AKAP19: variants seen among roughly 807,000 people sequenced by gnomAD.
AKAP19 encodes the protein A-kinase anchoring protein 19.
chr2:189,985,653 A>G, the AKAP19 span, among the ~76,000 whole-genome samples: 1 of 152,172 alleles, frequency 6.6e-6, no homozygotes. Context: ...ATGAGCTTGG[A>G]AGCAGATTCT....
At chr2:189,974,177 G>T in the AKAP19 span, among the ~76,000 whole-genome samples, 1 of 151,962 alleles carries the variant, frequency 6.6e-6, no homozygotes, top group African/African-American at 2.4e-5. Flanking sequence ...CTGGTATGTT[G>T]TGTCTTTGTT....
chr2:189,924,130 C>G, the AKAP19 span: 1 of 1,611,838 alleles, frequency 6.2e-7, no homozygotes, highest in Non-Finnish European at 8.5e-7. Context: ...GGGGGATGAC[C>G]AGCTGGAGTT....
the AKAP19 span, among the ~76,000 whole-genome samples, chr2:190,082,798 TC>T: frequency 6.6e-6 from 1 of 152,224 alleles, no homozygotes; most frequent in Non-Finnish European, 1.5e-5. Context: ...GCCAGGTATA[TC>T]CAATTCTAAA....
chr2:189,889,284 C>T, the AKAP19 span, among the ~76,000 whole-genome samples: 60 of 152,228 alleles, frequency 3.9e-4, no homozygotes, highest in Non-Finnish European at 7.6e-4. Flanking sequence ...GTGATGAAGC[C>T]GACTTGATCG....
At chr2:189,899,108 T>G in the AKAP19 span, among the ~76,000 whole-genome samples, 1 of 152,178 alleles carries the variant, frequency 6.6e-6, no homozygotes, top group African/African-American at 2.4e-5. Flanking sequence ...TAATCCCTCC[T>G]CTACACCATG....
chr2:190,011,892 C>G, the AKAP19 span, among the ~76,000 whole-genome samples: 5 of 151,914 alleles, frequency 3.3e-5, no homozygotes, highest in African/African-American at 1.2e-4. Context: ...TCTTTTTGCT[C>G]AAGATTGCCT....
At chr2:190,131,090 G>C in the AKAP19 span, among the ~76,000 whole-genome samples, 2 of 152,162 alleles carry the variant, frequency 1.3e-5, no homozygotes, top group African/African-American at 4.8e-5. Flanking sequence ...CTGAGTGATA[G>C]GGATGCTAGA....
At chr2:190,118,096 C>T in the AKAP19 span, among the ~76,000 whole-genome samples, 1 of 152,182 alleles carries the variant, frequency 6.6e-6, no homozygotes, top group Non-Finnish European at 1.5e-5. Flanking sequence ...CACCTCTACG[C>T]AAATAAACTA....
chr2:190,148,928 A>G, the AKAP19 span, among the ~76,000 whole-genome samples: 137,515 of 148,770 alleles, frequency 0.92, 64,014 homozygotes, highest in East Asian at 1. Context: ...CTAATGGTCT[A>G]TCAATTTTAT....
chr2:190,175,006 G>GAGTACATAGAGTACATA, the AKAP19 span, among the ~76,000 whole-genome samples: 99 of 151,914 alleles, frequency 6.5e-4, no homozygotes, highest in East Asian at 9.7e-4. Flanking sequence ...TAGATTACAT[G>GAGTACATAGAGTACATA]GAGTACATAG....
the AKAP19 span, among the ~76,000 whole-genome samples, chr2:189,925,860 A>G: frequency 6.6e-6 from 1 of 152,216 alleles, no homozygotes; most frequent in Non-Finnish European, 1.5e-5. Context: ...GCCAGAAGAA[A>G]AGACCATTTC....
the AKAP19 span, among the ~76,000 whole-genome samples, chr2:189,967,535 G>A: frequency 6.6e-6 from 1 of 152,112 alleles, no homozygotes; most frequent in Non-Finnish European, 1.5e-5. Context: ...TCAAAAACAA[G>A]GGTGAAATAA....
the AKAP19 span, among the ~76,000 whole-genome samples, chr2:190,166,524 A>G: frequency 2.6e-5 from 4 of 152,052 alleles, 1 homozygote; most frequent in East Asian, 7.7e-4. Flanking sequence ...ATACAAAAAT[A>G]AGAAAATACA....
the AKAP19 span, among the ~76,000 whole-genome samples, chr2:189,889,113 A>T: frequency 6.6e-6 from 1 of 151,566 alleles, no homozygotes; most frequent in African/African-American, 2.4e-5. Context: ...TGTTCTATCA[A>T]TACCTAGTTT....
At chr2:190,117,897 C>T in the AKAP19 span, among the ~76,000 whole-genome samples, 272 of 152,182 alleles carry the variant, frequency 1.8e-3, 2 homozygotes, top group African/African-American at 6.2e-3. Context: ...TGTTTGGTTG[C>T]TAACGTAGGC....
chr2:189,891,562 G>A, the AKAP19 span, among the ~76,000 whole-genome samples: 8 of 152,076 alleles, frequency 5.3e-5, no homozygotes, highest in South Asian at 6.2e-4. Flanking sequence ...ATTGGCCCGC[G>A]CTCTCTTCTG....
the AKAP19 span, among the ~76,000 whole-genome samples, chr2:190,014,450 A>G: frequency 5.9e-5 from 9 of 152,138 alleles, no homozygotes; most frequent in Non-Finnish European, 1.3e-4. Context: ...CATGGGGGAC[A>G]TTGCCACCAT....
chr2:190,047,166 C>T, the AKAP19 span, among the ~76,000 whole-genome samples: 2 of 152,166 alleles, frequency 1.3e-5, no homozygotes, highest in Admixed American at 6.6e-5. Flanking sequence ...CCTTCTCACT[C>T]ACTGCCCAAG....
At chr2:190,166,254 C>A in the AKAP19 span, among the ~76,000 whole-genome samples, 1 of 129,722 alleles carries the variant, frequency 7.7e-6, no homozygotes, top group Non-Finnish European at 1.6e-5. Flanking sequence ...TAAAGATTTC[C>A]AAAATTGACC....
Sources: gnomAD v4.1 joint callset for allele counts (sites outside exome capture counted in the v4.1 genomes callset) on GRCh38, gnomAD v4.1.1 for gene constraint, MANE v1.5 for transcripts, NCBI Gene and HGNC (gene_info 2026-07-23, HGNC 2026-07-21) for gene names.